The following ZNRF3 variants were observed in gnomAD, a reference collection of about 807,000 sequenced individuals.
ZNRF3 encodes the protein zinc and ring finger 3.
A neutral mutation model predicts 72.5 loss-of-function variants in ZNRF3; 23 were observed. That is an observed-to-expected ratio of 0.32 (90% CI 0.23 to 0.45). The LOEUF (loss-of-function observed/expected upper bound fraction) is 0.45. Among genes scored for constraint, ZNRF3 ranks in the 20% least tolerant of loss-of-function variants. The pLI is 1.00. For synonymous variants in ZNRF3, 610 were observed against 545.3 expected (o/e 1.12, Z -1.65); for missense variants, 1,169 against 1,272.1 (o/e 0.92, Z 1.23).
intron 1 of ZNRF3, among the ~76,000 whole-genome samples, chr22:28,916,011 G>GC (rs2034401609): frequency 6.6e-6 from 1 of 152,042 alleles, no homozygotes; most frequent in African/African-American, 2.4e-5. Flanking sequence ...AGTTGGGAGG[G>GC]TTATTTCAAA....
chr22:28,914,814 CAA>C (rs567975458), intron 1 of ZNRF3, among the ~76,000 whole-genome samples: 43 of 69,276 alleles, frequency 6.2e-4, no homozygotes, highest in Admixed American at 9.9e-4. Flanking sequence ...AACTCCGTCT[CAA>C]AAAAAAAAAA....
Position 29,053,812 on chromosome 22 carries a change from A to G in ZNRF3, c.*190A>G. On this transcript the variant is annotated 3_prime_UTR_variant, in exon 9 of 9. Transcript: ENST00000544604. ...AAACCACCCCCTACCCCATTAACAAATCAACAGACAAAATTCTCCGAGTCC... is the reference window on the plus strand; with the variant it reads ...AAACCACCCCCTACCCCATTAACAAGTCAACAGACAAAATTCTCCGAGTCC... 1.9e-6 allele frequency: 1 copy of G among 522,302 alleles called. No homozygotes were observed. The highest frequency in any genetic ancestry group is 3.1e-5 in the East Asian group (1 of 32,220). 32.4% of individuals were successfully genotyped at this position (522,302 alleles called of 1,614,324 possible). A position where few individuals can be genotyped will look rare whatever the true frequency, so the allele number is the denominator to read the frequency against.
At chr22:28,957,761 T>G (rs1156531261) in intron 1 of ZNRF3, among the ~76,000 whole-genome samples, 1 of 152,010 alleles carries the variant, frequency 6.6e-6, no homozygotes, top group African/African-American at 2.4e-5. Context: ...TTTTGAGACC[T>G]TGGACATTAC....
intron 1 of ZNRF3, among the ~76,000 whole-genome samples, chr22:28,924,826 C>T (rs976315350): frequency 5.3e-5 from 8 of 152,180 alleles, no homozygotes; most frequent in African/African-American, 1.9e-4. Context: ...GGAAGCTCAT[C>T]TGTCCCTTCC....
chr22:28,909,210 T>G (rs2034270077), intron 1 of ZNRF3, among the ~76,000 whole-genome samples: 1 of 152,134 alleles, frequency 6.6e-6, no homozygotes, highest in Non-Finnish European at 1.5e-5. Flanking sequence ...GTTGGGTTTT[T>G]TAGGCACACT....
At chr22:28,888,608 G>T (rs2033831492) in intron 1 of ZNRF3, among the ~76,000 whole-genome samples, 1 of 152,234 alleles carries the variant, frequency 6.6e-6, no homozygotes, top group East Asian at 1.9e-4. Context: ...TTGGAGTTCA[G>T]TGTAGAGCTG....
At position 29,045,482 on chromosome 22, in the gene ZNRF3, G is replaced by A. The variant is rs139049625; in HGVS notation, c.744+592G>A. Among the ~76,000 whole-genome samples, 1,100 of 152,090 alleles carry A rather than the reference G, an allele frequency of 7.2e-3. 20 individuals are homozygous for A. The highest frequency in any genetic ancestry group is 0.026 in the African/African-American group (1,062 of 41,508). Reference sequence around the variant, plus strand: ...CTCCAGCAGGTGTTTCGAAGGAAGTGTTTATTTTATTTTTTTATTTCTTTG... The same window carrying A: ...CTCCAGCAGGTGTTTCGAAGGAAGTATTTATTTTATTTTTTTATTTCTTTG... On this transcript the variant is annotated intron_variant, in intron 5 of 8. Transcript: ENST00000544604.
chr22:29,006,331 A>G (rs946133694), intron 2 of ZNRF3, among the ~76,000 whole-genome samples: 1 of 147,442 alleles, frequency 6.8e-6, no homozygotes, highest in Non-Finnish European at 1.5e-5. Context: ...CTCCTGCCTC[A>G]GCCTCCTGAG....
intron 2 of ZNRF3, among the ~76,000 whole-genome samples, chr22:28,992,161 T>G: frequency 6.7e-6 from 1 of 148,392 alleles, no homozygotes. Context: ...TCTCTCCCTC[T>G]TCCCCCCAAC....
chr22:28,934,580 G>A lies in ZNRF3; in HGVS notation c.300+50514G>A, dbSNP rs867668844. Among the ~76,000 whole-genome samples, 6 of 152,256 alleles carry A rather than the reference G, an allele frequency of 3.9e-5. No individual in the cohort carries two copies. The Middle Eastern group carries it at 0.01, about 259-fold the overall frequency. On this transcript the variant is annotated intron_variant, in intron 1 of 8. Coordinates refer to ENST00000544604, the MANE Select transcript of ZNRF3 (RefSeq NM_001206998.2). The stretch of plus-strand genomic sequence containing the variant: ...TTCCTGTAATCCCAGCATTTTGGGA[G>A]GCTGAGGCAGGCAGATCACTTGGGG...
At chr22:29,012,201 T>C (rs1238066605) in intron 2 of ZNRF3, among the ~76,000 whole-genome samples, 1 of 152,214 alleles carries the variant, frequency 6.6e-6, no homozygotes, top group Non-Finnish European at 1.5e-5. Context: ...TGCAAAGCAG[T>C]AAGAGAGAAC....
chr22:29,007,677 C>G (rs1436777282), intron 2 of ZNRF3, among the ~76,000 whole-genome samples: 1 of 151,474 alleles, frequency 6.6e-6, no homozygotes, highest in Non-Finnish European at 1.5e-5. Context: ...TGATCGTTCC[C>G]TTTTGTAATA....
At chr22:28,993,654 A>G (rs2035993942) in intron 2 of ZNRF3, among the ~76,000 whole-genome samples, 1 of 152,220 alleles carries the variant, frequency 6.6e-6, no homozygotes, top group Non-Finnish European at 1.5e-5. Context: ...ACTTGGGTTT[A>G]GTCATCATAC....
chr22:28,974,702 A>G (rs149267020), intron 1 of ZNRF3, among the ~76,000 whole-genome samples: 11 of 152,222 alleles, frequency 7.2e-5, no homozygotes, highest in African/African-American at 2.4e-4. Flanking sequence ...CTGGCGCGCC[A>G]TGGCCAGATC....
At chr22:28,912,193 G>A (rs1229967221) in intron 1 of ZNRF3, among the ~76,000 whole-genome samples, 1 of 152,156 alleles carries the variant, frequency 6.6e-6, no homozygotes, top group Non-Finnish European at 1.5e-5. Context: ...TGTAACCAAG[G>A]TGAAGTTGTT....
intron 1 of ZNRF3, among the ~76,000 whole-genome samples, chr22:28,975,459 G>A (rs1017120546): frequency 7.4e-5 from 10 of 134,638 alleles, no homozygotes; most frequent in Non-Finnish European, 1.1e-4. Context: ...CCGAGATCGA[G>A]ATCGGGCCAC....
chr22:28,922,947 G>T (rs1040852806), intron 1 of ZNRF3, among the ~76,000 whole-genome samples: 2 of 152,074 alleles, frequency 1.3e-5, no homozygotes, highest in Non-Finnish European at 2.9e-5. Context: ...TGTGGAAACC[G>T]GCTTGGAGAA....
chr22:28,955,766 A>G (rs931008124), intron 1 of ZNRF3, among the ~76,000 whole-genome samples: 1 of 151,892 alleles, frequency 6.6e-6, no homozygotes, highest in Non-Finnish European at 1.5e-5. Context: ...TAAAAAAAAA[A>G]AAAAGAGCCA....
intron 1 of ZNRF3, among the ~76,000 whole-genome samples, chr22:28,975,989 T>C (rs553161796): frequency 6.6e-6 from 1 of 152,200 alleles, no homozygotes; most frequent in Non-Finnish European, 1.5e-5. Flanking sequence ...TTACTATAAA[T>C]TAGTTGCATA....
Sources: gnomAD v4.1 joint callset for allele counts (sites outside exome capture counted in the v4.1 genomes callset) on GRCh38, gnomAD v4.1.1 for gene constraint, MANE v1.5 for transcripts, NCBI Gene and HGNC (gene_info 2026-07-23, HGNC 2026-07-21) for gene names.